Variants in ACBD6 observed in about 807,000 individuals in gnomAD.
ACBD6 encodes acyl-CoA-binding domain-containing protein 6.
In ACBD6, 28 loss-of-function variants were observed where a neutral mutation model predicts 37.2. That is an observed-to-expected ratio of 0.75 (90% CI 0.56 to 1.03). The LOEUF is 1.03. Ranked by LOEUF, ACBD6 falls within the 50% of genes least tolerant of loss-of-function variation. The probability of loss-of-function intolerance (pLI) is 0.00; values close to 1 mark genes in which losing one functional copy is unlikely to be tolerated. For synonymous variants in ACBD6, 113 were observed against 126.8 expected, an observed-to-expected ratio of 0.89 and a Z score of 0.73; for missense variants, 340 against 337.4, an observed-to-expected ratio of 1.01 and a Z score of -0.06.
intron 3 of ACBD6, among the ~76,000 whole-genome samples, chr1:180,486,464 C>T (rs1651266752): frequency 6.6e-6 from 1 of 152,154 alleles, no homozygotes; most frequent in African/African-American, 2.4e-5. Context: ...TACCAGGTTC[C>T]AGGTAGAGTA....
At position 180,502,328 on chromosome 1, in the gene ACBD6, C is replaced by T; in HGVS notation, c.-62G>A. 6.3e-7 allele frequency: 1 copy of T among 1,574,842 alleles called. No individual in the cohort carries two copies. Among genetic ancestry groups the T allele is most frequent in the Non-Finnish European group, 8.7e-7 (1 of 1,153,484 alleles). On this transcript the variant is annotated 5_prime_UTR_variant, in exon 1 of 8. Transcript: ENST00000367595. The stretch of plus-strand genomic sequence containing the variant: ...GTCCTCCTTGGATTGGGTGTAAGGC[C>T]GGCTTGGAGGCCTGGCCCACCAGTC...
At chr1:180,328,302 CACACACATACAT>C (rs999022695) in intron 6 of ACBD6, among the ~76,000 whole-genome samples, 7 of 151,692 alleles carry the variant, frequency 4.6e-5, no homozygotes, top group Non-Finnish European at 8.8e-5. Flanking sequence ...TACACACACA[CACACACATACAT>C]ACACACATAC....
intron 5 of ACBD6, among the ~76,000 whole-genome samples, chr1:180,402,872 T>C (rs1306742908): frequency 1.6e-4 from 24 of 151,504 alleles, no homozygotes; most frequent in Admixed American, 1.5e-3. Flanking sequence ...TGAAGGAATA[T>C]GAAAGGGAGG....
chr1:180,359,509 T>G (rs540050503), intron 6 of ACBD6, among the ~76,000 whole-genome samples: 1 of 152,270 alleles, frequency 6.6e-6, no homozygotes, highest in Admixed American at 6.5e-5. Flanking sequence ...CCTGTATTAT[T>G]TTATGAAAAG....
chr1:180,422,617 C>T lies in ACBD6; in HGVS notation c.467+7563G>A, dbSNP rs184071070. On this transcript the variant is annotated intron_variant, in intron 4 of 7. Transcript: ENST00000367595. ...CTACAATACGTATTAAGCAATTCAA[C>T]TTTTTCTTATAATGTCATGACATTT... Among the ~76,000 whole-genome samples the T allele has an allele frequency of 2.1e-3, 316 of 152,294 alleles. 2 individuals carry two copies. The highest frequency in any genetic ancestry group is 6.9e-3 in the African/African-American group (288 of 41,556).
At chr1:180,479,126 T>C (rs1411588358) in intron 3 of ACBD6, among the ~76,000 whole-genome samples, 1 of 152,012 alleles carries the variant, frequency 6.6e-6, no homozygotes, top group Non-Finnish European at 1.5e-5. Flanking sequence ...CAGCAAGACC[T>C]TGTCTCTAAA....
intron 6 of ACBD6, among the ~76,000 whole-genome samples, chr1:180,351,497 C>T (rs944455580): frequency 2.6e-5 from 4 of 151,390 alleles, no homozygotes; most frequent in South Asian, 2.1e-4. Flanking sequence ...ATGATGGTCT[C>T]GATCTGACCT....
At chr1:180,325,284 T>G (rs1443328628) in intron 6 of ACBD6, among the ~76,000 whole-genome samples, 2 of 152,168 alleles carry the variant, frequency 1.3e-5, no homozygotes, top group East Asian at 3.9e-4. Flanking sequence ...TTTATTCTTT[T>G]GTTTCCTCTG....
At chr1:180,328,789 T>C (rs543368066) in intron 6 of ACBD6, among the ~76,000 whole-genome samples, 95 of 152,220 alleles carry the variant, frequency 6.2e-4, no homozygotes, top group Middle Eastern at 3.4e-3. Context: ...GACTCTATAA[T>C]AGATGATTAA....
At chr1:180,433,741 G>A (rs1442530976) in intron 3 of ACBD6, among the ~76,000 whole-genome samples, 1 of 151,974 alleles carries the variant, frequency 6.6e-6, no homozygotes, top group Non-Finnish European at 1.5e-5. Context: ...GGTGTGTCAG[G>A]CCTCAGGAGC....
chr1:180,319,471 C>T (rs1343712995), intron 6 of ACBD6, among the ~76,000 whole-genome samples: 1 of 152,294 alleles, frequency 6.6e-6, no homozygotes, highest in African/African-American at 2.4e-5. Flanking sequence ...TATCCATCCC[C>T]TCAAGCATTT....
intron 3 of ACBD6, among the ~76,000 whole-genome samples, chr1:180,453,878 A>C (rs1421160019): frequency 6.6e-6 from 1 of 152,232 alleles, no homozygotes; most frequent in Admixed American, 6.5e-5. Flanking sequence ...ACCACTGCTC[A>C]AGGAAATAAG....
At chr1:180,462,589 T>C (rs912057823) in intron 3 of ACBD6, among the ~76,000 whole-genome samples, 1 of 152,186 alleles carries the variant, frequency 6.6e-6, no homozygotes, top group African/African-American at 2.4e-5. Context: ...AGCAAGTTTT[T>C]GGAGACCTTT....
At chr1:180,373,895 C>A (rs947940962) in intron 6 of ACBD6, among the ~76,000 whole-genome samples, 1 of 152,026 alleles carries the variant, frequency 6.6e-6, no homozygotes, top group Non-Finnish European at 1.5e-5. Context: ...AGTAAAAACC[C>A]TTTTACTTAT....
At chr1:180,455,740 A>G (rs1223752514) in intron 3 of ACBD6, among the ~76,000 whole-genome samples, 1 of 152,190 alleles carries the variant, frequency 6.6e-6, no homozygotes, top group African/African-American at 2.4e-5. Context: ...CAACCATAAA[A>G]TTGAATTAAT....
chr1:180,388,928 G>A (rs1653957784), intron 6 of ACBD6, among the ~76,000 whole-genome samples: 1 of 151,916 alleles, frequency 6.6e-6, no homozygotes, highest in Non-Finnish European at 1.5e-5. Flanking sequence ...TAAATAAATG[G>A]GAAGGCATCA....
rs1571507667 is a variant in ACBD6, at chr1:180,435,586, C to T, written c.385-5324G>A. On this transcript the variant is annotated intron_variant, in intron 3 of 7. Coordinates refer to ENST00000367595, the MANE Select transcript of ACBD6 (RefSeq NM_032360.4). ...TTGAGACTGCAAAGTCCCGAGTAAC[C>T]CAGAGCAACTTTGCAGTTGGCTACA... The T allele has an allele frequency of 8.5e-6, 9 of 1,061,114 alleles. No homozygotes were observed. In the East Asian group the frequency reaches 2.1e-4, roughly 25 times the overall value. 65.7% of individuals were successfully genotyped at this position (1,061,114 alleles called of 1,614,324 possible).
At chr1:180,282,976 T>G (rs985311533) in intron 8 of ACBD6, among the ~76,000 whole-genome samples, 269 of 99,710 alleles carry the variant, frequency 2.7e-3, no homozygotes, top group African/African-American at 0.014. Context: ...CTTTCTGTTT[T>G]TTTTTTTTTT....
chr1:180,467,204 T>C (rs1368176296), intron 3 of ACBD6, among the ~76,000 whole-genome samples: 2 of 152,066 alleles, frequency 1.3e-5, no homozygotes, highest in Non-Finnish European at 1.5e-5. Context: ...CTCAGCCTTC[T>C]GAGTAGCTGG....
Sources: gnomAD v4.1 joint callset for allele counts (sites outside exome capture counted in the v4.1 genomes callset) on GRCh38, gnomAD v4.1.1 for gene constraint, MANE v1.5 for transcripts, NCBI Gene and HGNC (gene_info 2026-07-23, HGNC 2026-07-21) for gene names.